The following SLC44A5 variants were observed in gnomAD, a reference collection of about 807,000 sequenced individuals.
SLC44A5 encodes solute carrier family 44 member 5.
SLC44A5 carries 57 observed loss-of-function variants against 101.8 expected under a neutral mutation model. That is an observed-to-expected ratio of 0.56 (90% CI 0.45 to 0.70). SLC44A5 has a LOEUF of 0.70. Ranked by LOEUF, SLC44A5 falls within the 30% of genes least tolerant of loss-of-function variation. The probability of loss-of-function intolerance (pLI) is 0.00; values close to 1 mark genes in which losing one functional copy is unlikely to be tolerated. For synonymous variants in SLC44A5, 281 were observed against 290.9 expected (o/e 0.97, Z 0.35); for missense variants, 737 against 853.1 (o/e 0.86, Z 1.70).
chr1:75,508,607 T>C (rs753464524), intron 2 of SLC44A5, among the ~76,000 whole-genome samples: 2 of 151,574 alleles, frequency 1.3e-5, no homozygotes, highest in African/African-American at 2.4e-5. Flanking sequence ...GGTAACTAGA[T>C]GAAGAAGGAA....
At chr1:75,588,348 G>A (rs983735616) in intron 1 of SLC44A5, among the ~76,000 whole-genome samples, 2 of 152,036 alleles carry the variant, frequency 1.3e-5, no homozygotes, top group Non-Finnish European at 2.9e-5. Flanking sequence ...AGCATTTATT[G>A]AATACCCACT....
At chr1:75,326,227 T>C (rs1656586363) in intron 4 of SLC44A5, among the ~76,000 whole-genome samples, 1 of 150,754 alleles carries the variant, frequency 6.6e-6, no homozygotes, top group African/African-American at 2.4e-5. Flanking sequence ...GTATTCCATA[T>C]TCTGAATTAA....
rs80062550 is a variant in SLC44A5 at position 75,329,016 on chromosome 1, C to T, written c.101+10566G>A. On this transcript the variant is annotated intron_variant, in intron 4 of 23. Transcript: ENST00000370859. ...AGGAGAAAGAGGATCAAAAAACTAC[C>T]TATTGGATACTATTCTTATTACCTG... Among the ~76,000 whole-genome samples, 554 of 152,306 alleles carry T rather than the reference C, an allele frequency of 3.6e-3. 3 individuals are homozygous for T. The highest frequency in any genetic ancestry group is 0.013 in the African/African-American group (539 of 41,568).
intron 3 of SLC44A5, among the ~76,000 whole-genome samples, chr1:75,351,787 G>A (rs545293828): frequency 1.9e-4 from 21 of 113,016 alleles, no homozygotes; most frequent in Non-Finnish European, 3.4e-4. Context: ...TCTAACTGTC[G>A]CCCCACCCCC....
chr1:75,410,673 C>T (rs537760735), intron 2 of SLC44A5, among the ~76,000 whole-genome samples: 2 of 152,164 alleles, frequency 1.3e-5, no homozygotes, highest in African/African-American at 2.4e-5. Flanking sequence ...AATCTAATGG[C>T]CACATACAAA....
chr1:75,330,224 T>C (rs2100997431), intron 4 of SLC44A5, among the ~76,000 whole-genome samples: 1 of 151,502 alleles, frequency 6.6e-6, no homozygotes, highest in Non-Finnish European at 1.5e-5. Flanking sequence ...ATTAATAATA[T>C]ATGAGGCTTC....
At chr1:75,583,608 G>A (rs1243329016) in intron 1 of SLC44A5, among the ~76,000 whole-genome samples, 1 of 152,192 alleles carries the variant, frequency 6.6e-6, no homozygotes, top group African/African-American at 2.4e-5. Flanking sequence ...AAGAAGCAGA[G>A]ACCTATTATT....
chr1:75,222,732 A>C (rs1054627733), intron 13 of SLC44A5, among the ~76,000 whole-genome samples: 1 of 152,232 alleles, frequency 6.6e-6, no homozygotes, highest in Non-Finnish European at 1.5e-5. Context: ...AACTTGTAGA[A>C]CTTAGAAAAT....
At chr1:75,327,613 C>T (rs559877595) in intron 4 of SLC44A5, among the ~76,000 whole-genome samples, 1 of 152,280 alleles carries the variant, frequency 6.6e-6, no homozygotes, top group African/African-American at 2.4e-5. Context: ...TAACGCTTAG[C>T]TGACAGGTGC....
At chr1:75,642,021 G>A in the SLC44A5 span, 2 of 1,443,784 alleles carry the variant, frequency 1.4e-6, no homozygotes, top group Non-Finnish European at 1.9e-6. Context: ...TGGAAGAAAT[G>A]TTGATAATTT....
At chr1:75,673,408 C>T in the SLC44A5 span, among the ~76,000 whole-genome samples, 3 of 151,820 alleles carry the variant, frequency 2.0e-5, no homozygotes, top group African/African-American at 7.3e-5. Flanking sequence ...TAGAATAGAC[C>T]ACCAGGTAGA....
chr1:75,359,236 T>C, intron 3 of SLC44A5, among the ~76,000 whole-genome samples: 1 of 146,498 alleles, frequency 6.8e-6, no homozygotes, highest in South Asian at 2.2e-4. Flanking sequence ...TTTTCTTTTT[T>C]TTTTTTTTTT....
At chr1:75,581,220 A>C (rs1216695888) in intron 1 of SLC44A5, among the ~76,000 whole-genome samples, 2 of 152,222 alleles carry the variant, frequency 1.3e-5, no homozygotes, top group African/African-American at 4.8e-5. Context: ...TTAGTAGACA[A>C]AATCTTAAAA....
intron 2 of SLC44A5, among the ~76,000 whole-genome samples, chr1:75,496,922 C>T (rs946292383): frequency 1.3e-5 from 2 of 151,986 alleles, no homozygotes; most frequent in Admixed American, 6.6e-5. Context: ...CACATCAAAA[C>T]CACAATGAGA....
intron 4 of SLC44A5, among the ~76,000 whole-genome samples, chr1:75,328,616 G>T (rs191065314): frequency 9.2e-5 from 14 of 152,242 alleles, no homozygotes; most frequent in African/African-American, 3.4e-4. Flanking sequence ...GGTGCTGCAG[G>T]TTCACTCTCT....
chr1:75,434,786 G>T (rs1293309745), intron 2 of SLC44A5, among the ~76,000 whole-genome samples: 2 of 151,964 alleles, frequency 1.3e-5, no homozygotes, highest in Non-Finnish European at 2.9e-5. Context: ...TGCCTGTTTT[G>T]CATCCCTGCC....
intron 2 of SLC44A5, among the ~76,000 whole-genome samples, chr1:75,529,780 C>A (rs1306412410): frequency 6.6e-6 from 1 of 152,030 alleles, no homozygotes; most frequent in Non-Finnish European, 1.5e-5. Context: ...TGTACTAATC[C>A]CCTCTAGAAG....
At chr1:75,434,359 C>T (rs1455875231) in intron 2 of SLC44A5, among the ~76,000 whole-genome samples, 1 of 152,124 alleles carries the variant, frequency 6.6e-6, no homozygotes, top group East Asian at 1.9e-4. Flanking sequence ...GGGACAATTA[C>T]AGAAGCTATT....
intron 2 of SLC44A5, among the ~76,000 whole-genome samples, chr1:75,479,722 A>C (rs1667702160): frequency 6.6e-6 from 1 of 152,262 alleles, no homozygotes; most frequent in Non-Finnish European, 1.5e-5. Flanking sequence ...ATCTCTGAAT[A>C]GACCAATAAC....
Sources: allele counts gnomAD v4.1 joint callset (sites outside exome capture counted in the v4.1 genomes callset), GRCh38; gene constraint gnomAD v4.1.1; transcripts MANE v1.5; gene names NCBI Gene and HGNC (gene_info 2026-07-23, HGNC 2026-07-21).